Variants in CRPPA observed in about 807,000 individuals in gnomAD.
The protein encoded by CRPPA is D-ribitol-5-phosphate cytidylyltransferase.
CRPPA carries 43 observed loss-of-function variants against 52.0 expected under a neutral mutation model. The ratio of observed to expected loss-of-function variants is 0.83; its 90% CI spans 0.65 to 1.07. The LOEUF is 1.07. CRPPA is among the 50% of genes least tolerant of loss of function. The pLI is 0.00. For synonymous variants in CRPPA, 250 were observed against 203.5 expected (o/e 1.23, Z -1.94); for missense variants, 629 against 551.7 (o/e 1.14, Z -1.40).
At chr7:16,170,733 G>A (rs1304253629) in intron 9 of CRPPA, among the ~76,000 whole-genome samples, 1 of 152,170 alleles carries the variant, frequency 6.6e-6, no homozygotes, top group Non-Finnish European at 1.5e-5. Context: ...CTGCAGGGAG[G>A]CAGCTGAGGC....
At chr7:16,286,097 A>AAAAAAAAATATATATAT in intron 5 of CRPPA, among the ~76,000 whole-genome samples, 3 of 39,130 alleles carry the variant, frequency 7.7e-5, no homozygotes, top group Non-Finnish European at 8.1e-5. Flanking sequence ...TAAAAAAAAA[A>AAAAAAAAATATATATAT]ATATATATAT....
chr7:16,257,962 G>C (rs775171833), intron 8 of CRPPA, among the ~76,000 whole-genome samples: 1 of 151,804 alleles, frequency 6.6e-6, no homozygotes, highest in South Asian at 2.1e-4. Flanking sequence ...TTTTGCTTTC[G>C]GTGGAACAGA....
intron 9 of CRPPA, among the ~76,000 whole-genome samples, chr7:16,115,560 A>G (rs888667799): frequency 3.3e-5 from 5 of 152,196 alleles, no homozygotes; most frequent in Admixed American, 3.3e-4. Flanking sequence ...TGCAAGGTGC[A>G]ATGAGCACCC....
chr7:16,344,444 C>T (rs568145814), intron 3 of CRPPA, among the ~76,000 whole-genome samples: 6 of 148,154 alleles, frequency 4.0e-5, no homozygotes, highest in African/African-American at 1.5e-4. Context: ...TGTATGGTGG[C>T]ATGTGCCTAG....
intron 4 of CRPPA, among the ~76,000 whole-genome samples, chr7:16,307,918 A>G (rs200985016): frequency 4.0e-5 from 1 of 24,920 alleles, no homozygotes; most frequent in Non-Finnish European, 1.6e-4. Context: ...GAGTGAAGAA[A>G]AAAAAAAAAA....
chr7:16,289,560 A>G (rs753016787), intron 5 of CRPPA, among the ~76,000 whole-genome samples: 1 of 152,192 alleles, frequency 6.6e-6, no homozygotes, highest in Non-Finnish European at 1.5e-5. Context: ...ATCACTATCA[A>G]CAGAATAAAG....
intron 2 of CRPPA, among the ~76,000 whole-genome samples, chr7:16,397,138 T>C (rs764596536): frequency 1.3e-5 from 2 of 152,220 alleles, no homozygotes; most frequent in African/African-American, 2.4e-5. Context: ...AAGTTAGAGA[T>C]GCGTGTCTGA....
intron 6 of CRPPA, 135 bp from the exon 7 acceptor site, chr7:16,259,147 C>CTGAA (rs1375504822): frequency 1.9e-6 from 1 of 540,380 alleles, no homozygotes; most frequent in African/African-American, 2.0e-5. Flanking sequence ...ATGAAACATG[C>CTGAA]TGAAGTTCAT....
At chr7:16,137,041 T>G (rs963148083) in intron 9 of CRPPA, among the ~76,000 whole-genome samples, 1 of 152,254 alleles carries the variant, frequency 6.6e-6, no homozygotes, top group Non-Finnish European at 1.5e-5. Context: ...TCAACCTTTT[T>G]GATGTGGTTA....
intron 9 of CRPPA, among the ~76,000 whole-genome samples, chr7:16,164,531 G>A (rs145379879): frequency 0.017 from 2,595 of 152,196 alleles, 40 homozygotes; most frequent in Middle Eastern, 0.041. Context: ...CTCATTCTCC[G>A]TCCAGTTTTG....
intron 8 of CRPPA, among the ~76,000 whole-genome samples, chr7:16,221,268 T>G (rs900349796): frequency 7.9e-5 from 12 of 152,144 alleles, no homozygotes; most frequent in African/African-American, 1.2e-4. Flanking sequence ...CTGGATGCCT[T>G]CCTTACACCT....
chr7:16,089,457 A>G lies in CRPPA; in HGVS notation c.*2238T>C, dbSNP rs1346754191. On this transcript the variant is annotated 3_prime_UTR_variant, in exon 10 of 10. Transcript: ENST00000407010. ...TGTATATATGTACGTGCATACATAT[A>G]TGTGTATATATGTACGTACATATAT... 1 of 330,396 alleles carries G rather than the reference A, an allele frequency of 3.0e-6. No homozygotes were observed. Among genetic ancestry groups the G allele is most frequent in the Non-Finnish European group, 6.7e-6 (1 of 148,852 alleles). 20.5% of individuals were successfully genotyped at this position (330,396 alleles called of 1,614,324 possible).
chr7:16,398,490 T>C (rs907104371), intron 2 of CRPPA, among the ~76,000 whole-genome samples: 1 of 152,030 alleles, frequency 6.6e-6, no homozygotes, highest in African/African-American at 2.4e-5. Flanking sequence ...GCACATGACC[T>C]ATATCATTGG....
intron 8 of CRPPA, among the ~76,000 whole-genome samples, chr7:16,236,642 T>C (rs1782957832): frequency 6.6e-6 from 1 of 152,134 alleles, no homozygotes; most frequent in African/African-American, 2.4e-5. Flanking sequence ...ATCTTAATCC[T>C]AAGGCAACAG....
chr7:16,110,207 T>A (rs11773405), intron 9 of CRPPA, among the ~76,000 whole-genome samples: 1 of 151,874 alleles, frequency 6.6e-6, no homozygotes, highest in African/African-American at 2.4e-5. Flanking sequence ...TATTTGGGAA[T>A]AAATTTAATC....
chr7:16,124,066 C>G (rs1240753524), intron 9 of CRPPA, among the ~76,000 whole-genome samples: 1 of 151,544 alleles, frequency 6.6e-6, no homozygotes, highest in African/African-American at 2.4e-5. Context: ...GGATAAATAA[C>G]CAGTAGTTGG....
chr7:16,357,093 T>C (rs1035916634), intron 3 of CRPPA, among the ~76,000 whole-genome samples: 5 of 152,182 alleles, frequency 3.3e-5, no homozygotes, highest in Non-Finnish European at 7.3e-5. Flanking sequence ...GCTGGATGCT[T>C]TCCCATGGGT....
At chr7:16,237,029 C>T (rs1050890881) in intron 8 of CRPPA, among the ~76,000 whole-genome samples, 1 of 152,110 alleles carries the variant, frequency 6.6e-6, no homozygotes, top group South Asian at 2.1e-4. Flanking sequence ...AATCTGGGAT[C>T]TTCATCTGCC....
intron 1 of CRPPA, among the ~76,000 whole-genome samples, chr7:16,417,436 T>C (rs1319775751): frequency 6.6e-6 from 1 of 152,212 alleles, no homozygotes; most frequent in Non-Finnish European, 1.5e-5. Context: ...ATGGTACGTA[T>C]ACACTATGGA....
Sources: allele counts gnomAD v4.1 joint callset (sites outside exome capture counted in the v4.1 genomes callset), GRCh38; gene constraint gnomAD v4.1.1; transcripts MANE v1.5; gene names NCBI Gene and HGNC (gene_info 2026-07-23, HGNC 2026-07-21).